The following PALM2AKAP2 variants were observed in gnomAD, a reference collection of about 807,000 sequenced individuals.
PALM2AKAP2 encodes the protein PALM2-AKAP2 fusion protein.
Under a neutral mutation model 71.5 loss-of-function variants are expected in PALM2AKAP2, and 37 were observed. That is an observed-to-expected ratio of 0.52 (90% CI 0.40 to 0.68). The LOEUF (loss-of-function observed/expected upper bound fraction) is 0.68, where lower values mean the gene tolerates loss of function less well. PALM2AKAP2 is among the 30% of genes least tolerant of loss of function. The pLI is 0.00. For missense variants in PALM2AKAP2, 1,224 were observed against 1,191.8 expected, an observed-to-expected ratio of 1.03 and a Z score of -0.40; for synonymous variants, 468 against 478.8, an observed-to-expected ratio of 0.98 and a Z score of 0.29.
intron 2 of PALM2AKAP2, 144 bp from the exon 3 acceptor site, chr9:109,880,407 G>T: frequency 8.2e-7 from 1 of 1,219,318 alleles, no homozygotes. Flanking sequence ...GAGGGAAGTA[G>T]GGAGCCATGT....
intron 1 of PALM2AKAP2, among the ~76,000 whole-genome samples, chr9:109,851,134 G>A (rs938306977): frequency 6.6e-5 from 10 of 151,400 alleles, no homozygotes; most frequent in Middle Eastern, 3.2e-3. Flanking sequence ...CCGAGATAGC[G>A]CCACTGCACT....
chr9:109,856,249 T>C (rs1829161212), intron 1 of PALM2AKAP2, among the ~76,000 whole-genome samples: 1 of 152,372 alleles, frequency 6.6e-6, no homozygotes, highest in South Asian at 2.1e-4. Context: ...GGAAGATTCA[T>C]TGCAGTCCCG....
chr9:110,025,391 C>T (rs1385188023), intron 7 of PALM2AKAP2: 5 of 809,288 alleles, frequency 6.2e-6, no homozygotes, highest in African/African-American at 5.2e-5. Context: ...GAGGTTCCGC[C>T]CGAAAGGCTT....
intron 2 of PALM2AKAP2, among the ~76,000 whole-genome samples, chr9:109,869,410 G>A (rs1833507395): frequency 6.6e-6 from 1 of 151,998 alleles, no homozygotes; most frequent in Non-Finnish European, 1.5e-5. Context: ...CTCACTGCAA[G>A]CTCCGCCTCC....
intron 1 of PALM2AKAP2, among the ~76,000 whole-genome samples, chr9:109,731,781 A>G (rs1828559602): frequency 6.6e-6 from 1 of 152,198 alleles, no homozygotes; most frequent in Admixed American, 6.5e-5. Flanking sequence ...ACATGTTCTC[A>G]GGTGAGGAAA....
At chr9:109,786,219 T>G (rs557500803) in intron 1 of PALM2AKAP2, among the ~76,000 whole-genome samples, 2 of 152,362 alleles carry the variant, frequency 1.3e-5, no homozygotes, top group South Asian at 2.1e-4. Flanking sequence ...CACCCTGCTT[T>G]TGGTCCAGGC....
At chr9:109,902,475 C>T (rs181804536) in intron 3 of PALM2AKAP2, among the ~76,000 whole-genome samples, 8 of 152,210 alleles carry the variant, frequency 5.3e-5, no homozygotes, top group Non-Finnish European at 1.2e-4. Flanking sequence ...TTTACTGAGC[C>T]CCTGAAAGGC....
chr9:109,806,850 T>C (rs910502908), intron 1 of PALM2AKAP2, among the ~76,000 whole-genome samples: 1 of 152,186 alleles, frequency 6.6e-6, no homozygotes, highest in African/African-American at 2.4e-5. Flanking sequence ...GTAAGGATGT[T>C]GGCCTTTACT....
At chr9:110,136,795 G>A in exon 2 of PALM2AKAP2, 1 of 1,614,152 alleles carries the variant, frequency 6.2e-7, no homozygotes, top group Non-Finnish European at 8.5e-7. Flanking sequence ...CCTTCCATGA[G>A]GACAAGAAGC....
chr9:109,718,263 A>G (rs1828356891), intron 1 of PALM2AKAP2, among the ~76,000 whole-genome samples: 1 of 151,980 alleles, frequency 6.6e-6, no homozygotes. Context: ...TTGTATTTGT[A>G]GAGATGGGGT....
chr9:110,113,638 C>T (rs1835297656), intron 1 of PALM2AKAP2, among the ~76,000 whole-genome samples: 1 of 152,024 alleles, frequency 6.6e-6, no homozygotes. Context: ...ATTCTCCTGC[C>T]TCAGCCTCCC....
At chr9:109,835,397 G>A (rs934671763) in intron 1 of PALM2AKAP2, among the ~76,000 whole-genome samples, 1 of 148,452 alleles carries the variant, frequency 6.7e-6, no homozygotes, top group South Asian at 2.2e-4. Context: ...AGAGGGTGGG[G>A]GCGGTTCCAA....
At chr9:109,886,522 T>G (rs773769639) in intron 3 of PALM2AKAP2, among the ~76,000 whole-genome samples, 7 of 152,206 alleles carry the variant, frequency 4.6e-5, no homozygotes, top group Non-Finnish European at 8.8e-5. Context: ...CCAACCCCAG[T>G]GAAGATGAGA....
At chr9:110,106,162 G>A (rs953737281) in intron 1 of PALM2AKAP2, among the ~76,000 whole-genome samples, 3 of 152,174 alleles carry the variant, frequency 2.0e-5, no homozygotes, top group African/African-American at 7.2e-5. Context: ...ACATGATTTT[G>A]TATTTTTGGA....
intron 3 of PALM2AKAP2, among the ~76,000 whole-genome samples, chr9:109,919,748 T>A (rs1302997088): frequency 1.3e-5 from 2 of 149,378 alleles, no homozygotes; most frequent in East Asian, 4.2e-4. Flanking sequence ...TGTGTGTGTG[T>A]GTGTGTGTGT....
chr9:109,885,958 G>A (rs143065786), intron 3 of PALM2AKAP2, among the ~76,000 whole-genome samples: 27 of 152,304 alleles, frequency 1.8e-4, no homozygotes, highest in Admixed American at 3.3e-4. Flanking sequence ...CAAAGGAAGA[G>A]GAAAACCCGG....
At chr9:110,126,889 A>G (rs1288752237) in intron 1 of PALM2AKAP2, among the ~76,000 whole-genome samples, 1 of 152,128 alleles carries the variant, frequency 6.6e-6, no homozygotes. Context: ...TAAGAGGAGG[A>G]TTGTTCATAG....
intron 1 of PALM2AKAP2, among the ~76,000 whole-genome samples, chr9:109,863,141 G>A (rs1309218426): frequency 6.6e-6 from 1 of 152,218 alleles, no homozygotes; most frequent in African/African-American, 2.4e-5. Flanking sequence ...TGGATGCAGG[G>A]AGACTAATAA....
chr9:109,934,754 A>G (rs1397941471), intron 6 of PALM2AKAP2, among the ~76,000 whole-genome samples: 1 of 152,206 alleles, frequency 6.6e-6, no homozygotes, highest in East Asian at 1.9e-4. Flanking sequence ...CACTCCGTTT[A>G]TCCATAGAAT....
Sources: gnomAD v4.1 joint callset for allele counts (sites outside exome capture counted in the v4.1 genomes callset) on GRCh38, gnomAD v4.1.1 for gene constraint, MANE v1.5 for transcripts, NCBI Gene and HGNC (gene_info 2026-07-23, HGNC 2026-07-21) for gene names.